CALN1: variants seen among roughly 807,000 people sequenced by gnomAD.
CALN1 encodes the protein calneuron 1.
In CALN1, 17 loss-of-function variants were observed where a neutral mutation model predicts 30.6. The ratio of observed to expected loss-of-function variants is 0.56; its 90% CI spans 0.38 to 0.83. CALN1 has a LOEUF of 0.83. Among genes scored for constraint, CALN1 ranks in the 40% least tolerant of loss-of-function variants. The pLI, the probability that CALN1 is intolerant of heterozygous loss-of-function variation, is 0.00. For missense variants in CALN1, 291 were observed against 354.9 expected (o/e 0.82, Z 1.45); for synonymous variants, 156 against 131.4 (o/e 1.19, Z -1.28).
chr7:71,957,259 G>A (rs1327991745), intron 5 of CALN1, among the ~76,000 whole-genome samples: 1 of 151,948 alleles, frequency 6.6e-6, no homozygotes, highest in Non-Finnish European at 1.5e-5. Context: ...GAGGTGGGTG[G>A]GACTGTGACT....
intron 1 of CALN1, among the ~76,000 whole-genome samples, chr7:72,443,512 G>A (rs1235446405): frequency 2.0e-5 from 3 of 152,108 alleles, no homozygotes; most frequent in Admixed American, 6.5e-5. Context: ...CAGATTTGCT[G>A]CCACTCCCTC....
At chr7:71,835,315 T>A (rs1239411724) in intron 5 of CALN1, among the ~76,000 whole-genome samples, 1 of 152,216 alleles carries the variant, frequency 6.6e-6, no homozygotes, top group Non-Finnish European at 1.5e-5. Context: ...TACCAAATCA[T>A]ACATAAGGCA....
At chr7:71,823,977 G>A (rs555561358) in intron 5 of CALN1, among the ~76,000 whole-genome samples, 20 of 152,174 alleles carry the variant, frequency 1.3e-4, no homozygotes, top group Admixed American at 2.6e-4. Flanking sequence ...GGAAAGATCC[G>A]CCTTCATGAT....
At chr7:71,965,366 T>C (rs1276081201) in intron 5 of CALN1, among the ~76,000 whole-genome samples, 1 of 152,150 alleles carries the variant, frequency 6.6e-6, no homozygotes, top group Non-Finnish European at 1.5e-5. Flanking sequence ...ATTGTTTAGA[T>C]ACTAAGATAC....
intron 6 of CALN1, among the ~76,000 whole-genome samples, chr7:71,801,243 C>T (rs776322294): frequency 7.2e-5 from 11 of 151,908 alleles, no homozygotes; most frequent in East Asian, 1.9e-4. Flanking sequence ...GACAGGGTTT[C>T]GTTCTGTCAC....
Position 71,785,178 on chromosome 7 carries a change from ATC to A in CALN1, c.*2595_*2596del, listed in dbSNP as rs1792921393. On this transcript the variant is annotated 3_prime_UTR_variant, in exon 7 of 7. Coordinates refer to ENST00000395275, the MANE Select transcript of CALN1 (RefSeq NM_031468.4). ...AGAATTCTGTGTCTTCCTTCTTGCC[ATC>A]TCTCTCTAGCAGTCTGCAGAGGAAT... The A allele has an allele frequency of 7.1e-6, 2 of 282,012 alleles. No individual in the cohort carries two copies. Among genetic ancestry groups the A allele is most frequent in the East Asian group, 5.9e-5 (1 of 16,914 alleles). 17.5% of individuals were successfully genotyped at this position (282,012 alleles called of 1,614,324 possible).
chr7:71,879,225 A>T (rs891298942), intron 5 of CALN1, among the ~76,000 whole-genome samples: 5 of 152,200 alleles, frequency 3.3e-5, no homozygotes, highest in African/African-American at 7.2e-5. Flanking sequence ...CCATTGAAAA[A>T]CAACTGAGAT....
At chr7:72,227,798 C>T (rs1172755598) in intron 3 of CALN1, among the ~76,000 whole-genome samples, 1 of 151,884 alleles carries the variant, frequency 6.6e-6, no homozygotes, top group Non-Finnish European at 1.5e-5. Context: ...TGCAGTGAGC[C>T]GAGACTGCAC....
intron 3 of CALN1, among the ~76,000 whole-genome samples, chr7:72,248,700 G>A (rs982551545): frequency 2.0e-5 from 3 of 151,908 alleles, no homozygotes; most frequent in African/African-American, 7.3e-5. Flanking sequence ...GCCATATAAA[G>A]TAACATGTTC....
At chr7:71,830,016 T>C (rs1363447582) in intron 5 of CALN1, among the ~76,000 whole-genome samples, 1 of 150,124 alleles carries the variant, frequency 6.7e-6, no homozygotes, top group Non-Finnish European at 1.5e-5. Flanking sequence ...TGTGTGTATG[T>C]GTGCATGAGT....
At chr7:72,354,617 G>C (rs1328161134) in intron 2 of CALN1, among the ~76,000 whole-genome samples, 1 of 152,194 alleles carries the variant, frequency 6.6e-6, no homozygotes, top group Non-Finnish European at 1.5e-5. Context: ...GAACAGAAAT[G>C]ATTAGGAATA....
the CALN1 span, among the ~76,000 whole-genome samples, chr7:72,458,304 A>T: frequency 2.0e-3 from 63 of 30,744 alleles, 8 homozygotes; most frequent in African/African-American, 9.6e-3. Context: ...ATTCTATATT[A>T]TATAATATAT....
At chr7:72,435,549 C>T (rs1808128552) in intron 1 of CALN1, among the ~76,000 whole-genome samples, 1 of 152,166 alleles carries the variant, frequency 6.6e-6, no homozygotes, top group Admixed American at 6.5e-5. Flanking sequence ...ATTGCAGCCC[C>T]GGAGAGCCTC....
At chr7:72,278,931 T>C in intron 2 of CALN1, 121 bp from the exon 3 acceptor site, 1 of 1,338,206 alleles carries the variant, frequency 7.5e-7, no homozygotes, top group Admixed American at 2.2e-5. Context: ...AGCAGTAATA[T>C]TTCTAGTGGG....
intron 5 of CALN1, among the ~76,000 whole-genome samples, chr7:71,955,967 A>G (rs1316101065): frequency 2.0e-5 from 3 of 148,530 alleles, no homozygotes; most frequent in Non-Finnish European, 4.4e-5. Flanking sequence ...GAGATAGTAT[A>G]GACTGGGCCA....
chr7:72,260,828 G>C (rs1232515), intron 3 of CALN1, among the ~76,000 whole-genome samples: 87,542 of 151,930 alleles, frequency 0.58, 25,574 homozygotes, highest in African/African-American at 0.65. Context: ...TCTCCAAAGT[G>C]CCCTACAAAT....
intron 1 of CALN1, among the ~76,000 whole-genome samples, chr7:72,418,661 C>T (rs1047946044): frequency 3.3e-5 from 5 of 151,994 alleles, no homozygotes; most frequent in African/African-American, 9.7e-5. Flanking sequence ...CCAGAGCTTT[C>T]CACAGAGATT....
At chr7:72,171,617 C>CA (rs1788967818) in intron 3 of CALN1, among the ~76,000 whole-genome samples, 1 of 151,962 alleles carries the variant, frequency 6.6e-6, no homozygotes, top group Admixed American at 6.6e-5. Flanking sequence ...TGTTCACCTG[C>CA]AAAAAAGAGG....
chr7:72,238,523 TC>T (rs1794623882), intron 3 of CALN1, among the ~76,000 whole-genome samples: 1 of 152,170 alleles, frequency 6.6e-6, no homozygotes, highest in South Asian at 2.1e-4. Flanking sequence ...TTTGACTGTG[TC>T]CCCACCCAAA....
Sources: gnomAD v4.1 joint callset for allele counts (sites outside exome capture counted in the v4.1 genomes callset) on GRCh38, gnomAD v4.1.1 for gene constraint, MANE v1.5 for transcripts, NCBI Gene and HGNC (gene_info 2026-07-23, HGNC 2026-07-21) for gene names.